Variants in ZCCHC14 observed in about 807,000 individuals in gnomAD.
The protein encoded by ZCCHC14 is zinc finger CCHC-type containing 14.
Under a neutral mutation model 85.0 loss-of-function variants are expected in ZCCHC14, and 16 were observed. The ratio of observed to expected loss-of-function variants is 0.19; its 90% CI spans 0.13 to 0.29. ZCCHC14 has a LOEUF of 0.29. Among genes scored for constraint, ZCCHC14 ranks in the 10% least tolerant of loss-of-function variants. The pLI is 1.00. For synonymous variants in ZCCHC14, 775 were observed against 630.7 expected, an observed-to-expected ratio of 1.23 and a Z score of -3.43; for missense variants, 1,303 against 1,443.5, an observed-to-expected ratio of 0.90 and a Z score of 1.58.
At chr16:87,490,865 C>G (rs547447182) in intron 1 of ZCCHC14, among the ~76,000 whole-genome samples, 1 of 152,338 alleles carries the variant, frequency 6.6e-6, no homozygotes, top group Admixed American at 6.5e-5. Flanking sequence ...ACAGCATGCA[C>G]GTGTCCATAA....
At chr16:87,490,753 C>G (rs541589805) in intron 1 of ZCCHC14, among the ~76,000 whole-genome samples, 56 of 152,332 alleles carry the variant, frequency 3.7e-4, no homozygotes, top group Non-Finnish European at 6.5e-4. Flanking sequence ...TACAGGTAGC[C>G]CGGCTCTTAA....
At chr16:87,418,220 T>A (rs568337014) in intron 7 of ZCCHC14, among the ~76,000 whole-genome samples, 29 of 152,372 alleles carry the variant, frequency 1.9e-4, no homozygotes, top group Admixed American at 3.3e-4. Flanking sequence ...AAATCTTTAA[T>A]GTTCAAATAC....
rs1401366342 is a variant in ZCCHC14 at position 87,412,633 on chromosome 16, C to T, written c.2088G>A (p.Met696Ile). 6.2e-7 allele frequency: 1 copy of T among 1,614,224 alleles called. No homozygotes were observed. Among genetic ancestry groups the T allele is most frequent in the South Asian group, 1.1e-5 (1 of 91,086 alleles). The stretch of plus-strand genomic sequence containing the variant: ...GTGCGGACGCGGGCAGCACGTCCAT[C>T]ATGGCGCTGCCAAAGCTCTTGTCCA... Reference protein sequence around the residue: ...MKVDKSFGSAMMDVLPASAPH... With the variant: ...MKVDKSFGSAIMDVLPASAPH... Residue 696 changes from methionine (M) to isoleucine (I), a missense_variant, in exon 12 of 13, where the codon ATG (methionine) becomes ATA (isoleucine). Coordinates refer to ENST00000671377, the MANE Select transcript of ZCCHC14 (RefSeq NM_015144.3).
At chr16:87,437,785 C>T (rs138430230) in intron 2 of ZCCHC14, among the ~76,000 whole-genome samples, 123 of 152,316 alleles carry the variant, frequency 8.1e-4, no homozygotes, top group African/African-American at 2.6e-3. Flanking sequence ...ATATTCACAT[C>T]GACTATCATT....
rs145827388 is a variant in ZCCHC14, at chr16:87,412,204, T to G, written c.2517A>C (p.Ala839=). The change falls in exon 12 of 13, where the codon GCA becomes GCC. Residue 839 remains alanine, a synonymous_variant. Coordinates refer to ENST00000671377, the MANE Select transcript of ZCCHC14 (RefSeq NM_015144.3). ...PVGPLQGGFC[A]NSNTASPSSH... ...TGCTGGGAGAGGCAGTGTTGCTGTT[T>G]GCACAGAAGCCACCCTGCAGGGGGC... The G allele has an allele frequency of 8.5e-4, 1,377 of 1,613,988 alleles. No individual in the cohort carries two copies. Among genetic ancestry groups the G allele is most frequent in the Non-Finnish European group, 1.1e-3 (1,292 of 1,180,038 alleles).
chr16:87,425,814 C>T (rs1313843360), intron 3 of ZCCHC14, among the ~76,000 whole-genome samples: 1 of 152,272 alleles, frequency 6.6e-6, no homozygotes, highest in Non-Finnish European at 1.5e-5. Flanking sequence ...TCATAGAAAA[C>T]GTCTCCTCTG....
intron 8 of ZCCHC14, among the ~76,000 whole-genome samples, chr16:87,417,199 C>T (rs1346492317): frequency 6.6e-6 from 1 of 152,150 alleles, no homozygotes; most frequent in Non-Finnish European, 1.5e-5. Flanking sequence ...GACGGACTGT[C>T]CCTCCCGTCA....
chr16:87,460,736 A>G (rs1911219092), intron 1 of ZCCHC14, among the ~76,000 whole-genome samples: 1 of 152,160 alleles, frequency 6.6e-6, no homozygotes, highest in Non-Finnish European at 1.5e-5. Context: ...CATGAATTAT[A>G]TATTTTTATT....
chr16:87,433,450 G>A (rs764056672), intron 2 of ZCCHC14, among the ~76,000 whole-genome samples: 2 of 152,136 alleles, frequency 1.3e-5, no homozygotes, highest in Non-Finnish European at 2.9e-5. Flanking sequence ...GGGCAGGAAC[G>A]GCACTGGAGT....
Position 87,414,420 on chromosome 16 carries a change from C to T in ZCCHC14, c.1597G>A (p.Ala533Thr). 6.2e-7 allele frequency: 1 copy of T among 1,612,970 alleles called. No homozygotes were observed. The highest frequency in any genetic ancestry group is 8.5e-7 in the Non-Finnish European group (1 of 1,179,842). The change falls in exon 10 of 13, where the codon GCA (alanine) becomes ACA (threonine). Residue 533 changes from alanine to threonine, a missense_variant. Physicochemically the swap from Ala to Thr is moderately conservative, Grantham distance 58. Coordinates refer to ENST00000671377, the MANE Select transcript of ZCCHC14 (RefSeq NM_015144.3). ...GPVQSGRGSHAAELRVEVEQP... is the reference protein window; with the variant it reads ...GPVQSGRGSHTAELRVEVEQP... ...CCGACACACCCTTGTTCACCTGCTG[C>T]ATGGCTGCCCCGCCCCGACTGCACG...
chr16:87,422,740 A>G (rs1909167441), intron 4 of ZCCHC14, among the ~76,000 whole-genome samples: 1 of 140,372 alleles, frequency 7.1e-6, no homozygotes, highest in African/African-American at 2.6e-5. Flanking sequence ...CATCTCAAAG[A>G]AAAAAAAAAC....
At chr16:87,465,337 T>C (rs1486120570) in intron 1 of ZCCHC14, among the ~76,000 whole-genome samples, 1 of 152,240 alleles carries the variant, frequency 6.6e-6, no homozygotes, top group Admixed American at 6.5e-5. Context: ...TTTAATGAAA[T>C]TCAGAATCAA....
At chr16:87,448,341 C>A (rs1407521541) in intron 2 of ZCCHC14, among the ~76,000 whole-genome samples, 4 of 152,158 alleles carry the variant, frequency 2.6e-5, no homozygotes, top group Non-Finnish European at 5.9e-5. Flanking sequence ...TTGTTGTTCT[C>A]CTTTGAAAAC....
In ZCCHC14 at chr16:87,491,146, C is replaced by G. The variant is rs1434232694; in HGVS notation, c.570+523G>C. Among the ~76,000 whole-genome samples the G allele has an allele frequency of 2.0e-5, 3 of 152,248 alleles. No homozygotes were observed. Among genetic ancestry groups the G allele is most frequent in the Non-Finnish European group, 2.9e-5 (2 of 68,042 alleles). Reference sequence around the variant, plus strand: ...ACAAAGGCCTTATCGCGTTTGCAGCCGGCTAAGTGAAAGGAGGGCACCTGG... The same window carrying G: ...ACAAAGGCCTTATCGCGTTTGCAGCGGGCTAAGTGAAAGGAGGGCACCTGG... On this transcript the variant is annotated intron_variant, in intron 1 of 12. Transcript: ENST00000671377. This position sits in a 1 kb window ranked among gnomAD's most constrained non-coding sequence, Gnocchi z 5.9.
At position 87,491,445 on chromosome 16, in the gene ZCCHC14, G is replaced by A. The variant is rs1209945844; in HGVS notation, c.570+224C>T. Among the ~76,000 whole-genome samples the A allele has an allele frequency of 9.9e-5, 15 of 151,906 alleles. 1 individual carries two copies. In the East Asian group the frequency reaches 1.6e-3, roughly 16 times the overall value. On this transcript the variant is annotated intron_variant, in intron 1 of 12. Transcript: ENST00000671377. The surrounding 1 kb of genome is among the most constrained non-coding windows in gnomAD (Gnocchi z 5.9). ...GCGGAGGCTTGGGATGTACGGTGGAGGCTTGGAGAGGTGGGGCACACATTT... is the reference window on the plus strand; with the variant it reads ...GCGGAGGCTTGGGATGTACGGTGGAAGCTTGGAGAGGTGGGGCACACATTT...
rs766145058 is a variant in ZCCHC14 at position 87,491,810 on chromosome 16, C to T, written c.429G>A (p.Pro143=). Residue 143 remains proline, a synonymous_variant, in exon 1 of 13, where the codon CCG becomes CCA. Coordinates refer to ENST00000671377, the MANE Select transcript of ZCCHC14 (RefSeq NM_015144.3). The surrounding 1 kb of genome is among the most constrained non-coding windows in gnomAD (Gnocchi z 5.9). ...LLLFTMASNH[P]AFSFHQKQVL... is the part of the protein sequence containing the mutation. ...CCTGCTTCTGGTGGAAGCTGAAGGCCGGGTGGTTGGAGGCCATGGTGAACA... is the reference window on the plus strand; with the variant it reads ...CCTGCTTCTGGTGGAAGCTGAAGGCTGGGTGGTTGGAGGCCATGGTGAACA... 53 of 1,586,286 alleles carry T rather than the reference C, an allele frequency of 3.3e-5. 1 individual carries two copies. In the South Asian group the frequency reaches 5.8e-4, roughly 17 times the overall value.
At chr16:87,454,198 C>G (rs892441311) in intron 2 of ZCCHC14, among the ~76,000 whole-genome samples, 1 of 152,112 alleles carries the variant, frequency 6.6e-6, no homozygotes, top group African/African-American at 2.4e-5. Flanking sequence ...TACATGAGAA[C>G]TGGAGTCTCA....
At chr16:87,468,434 A>G (rs1911628501) in intron 1 of ZCCHC14, among the ~76,000 whole-genome samples, 2 of 151,040 alleles carry the variant, frequency 1.3e-5, no homozygotes, top group Admixed American at 1.3e-4. Flanking sequence ...TTCTTATATT[A>G]CAATAAATGA....
At position 87,406,848 on chromosome 16, in the gene ZCCHC14, T is replaced by C. The variant is rs1908224045; in HGVS notation, c.*3432A>G. 6.6e-6 allele frequency: 1 copy of C among 152,254 alleles called. No individual in the cohort carries two copies. The highest frequency in any genetic ancestry group is 2.1e-4 in the South Asian group (1 of 4,834). 9.4% of individuals were successfully genotyped at this position (152,254 alleles called of 1,614,324 possible). ...ATGGCTTTCAGTGCCACCTGACTCA[T>C]TCTTTGGAAGTCACCTGCATGCTGG... On this transcript the variant is annotated 3_prime_UTR_variant, in exon 13 of 13. Transcript: ENST00000671377.
Sources: allele counts gnomAD v4.1 joint callset (sites outside exome capture counted in the v4.1 genomes callset), GRCh38; gene constraint gnomAD v4.1.1; non-coding constraint Gnocchi (gnomAD v3.1); transcripts MANE v1.5; gene names NCBI Gene and HGNC (gene_info 2026-07-23, HGNC 2026-07-21).